Variants in SLC41A2 observed in about 807,000 individuals in gnomAD.
SLC41A2 encodes solute carrier family 41 member 2, also known as SLC41A1-like 1.
In SLC41A2, 32 loss-of-function variants were observed where a neutral mutation model predicts 58.3. The ratio of observed to expected loss-of-function variants is 0.55; its 90% confidence interval spans 0.41 to 0.74. SLC41A2 has a LOEUF of 0.74. Ranked by LOEUF, SLC41A2 falls within the 30% of genes least tolerant of loss-of-function variation. The probability of loss-of-function intolerance (pLI) is 0.00; values close to 1 mark genes in which losing one functional copy is unlikely to be tolerated. For missense variants in SLC41A2, 514 were observed against 680.6 expected (o/e 0.76, Z 2.72); for synonymous variants, 190 against 235.0 (o/e 0.81, Z 1.75).
In SLC41A2 at chr12:104,909,536, G is replaced by T. The variant is rs574230249; in HGVS notation, c.663+119C>A. 5.8e-6 allele frequency: 4 copies of T among 688,374 alleles called. No individual in the cohort carries two copies. In the East Asian group the frequency reaches 1.2e-4, roughly 20 times the overall value. 42.6% of individuals were successfully genotyped at this position (688,374 alleles called of 1,614,324 possible). A position where few individuals can be genotyped will look rare whatever the true frequency, so the allele number is the denominator to read the frequency against. On this transcript the variant is annotated intron_variant, in intron 3 of 10. Transcript: ENST00000258538. ...ATATGATATCAGGCATAACTACTTA[G>T]CACAGCCCTGAAGTGCAGAAGCATA... is the stretch of plus-strand genomic sequence containing the variant.
chr12:104,885,609 C>A lies in SLC41A2; in HGVS notation c.1027+684G>T, dbSNP rs116842694. On this transcript the variant is annotated intron_variant, in intron 6 of 10. Coordinates refer to ENST00000258538, the MANE Select transcript of SLC41A2 (RefSeq NM_001352171.3). ...TTGGCATCTAAAAATAATAAAACCA[C>A]AATGAACTTTTAGCATGTCATCAAC... Among the ~76,000 whole-genome samples the A allele has an allele frequency of 4.8e-3, 737 of 152,170 alleles. 4 individuals are homozygous for A. Among genetic ancestry groups the A allele is most frequent in the Non-Finnish European group, 6.9e-3 (469 of 67,952 alleles).
intron 6 of SLC41A2, among the ~76,000 whole-genome samples, chr12:104,879,534 A>G (rs1344217216): frequency 1.3e-5 from 2 of 152,166 alleles, no homozygotes; most frequent in African/African-American, 4.8e-5. Flanking sequence ...TTTCCCCAGC[A>G]TCATTTATTG....
At chr12:104,902,525 G>T (rs1206633782) in intron 3 of SLC41A2, among the ~76,000 whole-genome samples, 1 of 152,208 alleles carries the variant, frequency 6.6e-6, no homozygotes, top group Non-Finnish European at 1.5e-5. Flanking sequence ...TCAGGAAAGA[G>T]TCTGGAGGTA....
chr12:104,888,890 T>G (rs1459355298), intron 5 of SLC41A2, 143 bp downstream of exon 5: 1 of 846,786 alleles, frequency 1.2e-6, no homozygotes, highest in Admixed American at 3.1e-5. Context: ...ATATCTGGAA[T>G]AACTAAGGCA....
chr12:104,897,477 TC>T (rs937664442), intron 3 of SLC41A2, among the ~76,000 whole-genome samples: 10 of 152,106 alleles, frequency 6.6e-5, no homozygotes, highest in Non-Finnish European at 1.5e-4. Flanking sequence ...CTTTTTTTTT[TC>T]ATGATCTCTA....
At chr12:104,867,510 C>T (rs1300494827) in intron 6 of SLC41A2, among the ~76,000 whole-genome samples, 3 of 151,992 alleles carry the variant, frequency 2.0e-5, no homozygotes, top group Non-Finnish European at 2.9e-5. Context: ...GCAACCCTTA[C>T]CCCAACTCTT....
chr12:104,814,918 T>C (rs149930224), intron 10 of SLC41A2, among the ~76,000 whole-genome samples: 221 of 152,360 alleles, frequency 1.5e-3, no homozygotes, highest in Middle Eastern at 0.01. Context: ...GTCTTCATAG[T>C]CTGTTCTAGC....
chr12:104,808,470 A>G (rs2041024278), intron 10 of SLC41A2, among the ~76,000 whole-genome samples: 3 of 152,220 alleles, frequency 2.0e-5, no homozygotes, highest in African/African-American at 7.2e-5. Context: ...TCGGTTTGCC[A>G]GTATTTTACT....
At chr12:104,920,882 C>T (rs903437601) in intron 2 of SLC41A2, among the ~76,000 whole-genome samples, 1 of 151,792 alleles carries the variant, frequency 6.6e-6, no homozygotes, top group Non-Finnish European at 1.5e-5. Flanking sequence ...TGAGATCATG[C>T]CACTGCACTC....
At chr12:104,895,415 C>G in intron 3 of SLC41A2, 70 bp from the exon 4 acceptor site, 6 of 1,081,590 alleles carry the variant, frequency 5.5e-6, no homozygotes, top group Non-Finnish European at 8.4e-6. Context: ...TCAAACAGCA[C>G]ATGAAATCTT....
At chr12:104,953,596 T>A (rs184792752) in intron 1 of SLC41A2, among the ~76,000 whole-genome samples, 1 of 152,350 alleles carries the variant, frequency 6.6e-6, no homozygotes, top group East Asian at 1.9e-4. Flanking sequence ...TGCTATAAGA[T>A]AAGCTCCTTA....
intron 4 of SLC41A2, among the ~76,000 whole-genome samples, chr12:104,892,652 AAC>A (rs1276874680): frequency 7.2e-5 from 11 of 152,226 alleles, no homozygotes; most frequent in Non-Finnish European, 1.3e-4. Flanking sequence ...CTGGCATAAA[AAC>A]AGACACAAAC....
At chr12:104,816,830 T>C (rs1010317437) in intron 10 of SLC41A2, among the ~76,000 whole-genome samples, 1 of 152,180 alleles carries the variant, frequency 6.6e-6, no homozygotes, top group Admixed American at 6.5e-5. Context: ...TCGGTATCCA[T>C]AGGGGAGGAT....
At chr12:104,900,975 C>A (rs1301607271) in intron 3 of SLC41A2, among the ~76,000 whole-genome samples, 1 of 152,130 alleles carries the variant, frequency 6.6e-6, no homozygotes, top group Non-Finnish European at 1.5e-5. Context: ...CGTTACTGAT[C>A]TCCTGGCACA....
At chr12:104,895,222 C>T in intron 4 of SLC41A2, 52 bp downstream of exon 4, 2 of 1,292,810 alleles carry the variant, frequency 1.5e-6, no homozygotes, top group Non-Finnish European at 1.1e-6. Context: ...TTATAGATTA[C>T]AGTCAAAATT....
intron 8 of SLC41A2, among the ~76,000 whole-genome samples, chr12:104,850,814 T>C (rs973235003): frequency 2.0e-5 from 3 of 152,188 alleles, no homozygotes; most frequent in Non-Finnish European, 4.4e-5. Flanking sequence ...CATAAAAATG[T>C]TTAAAATATG....
intron 10 of SLC41A2, among the ~76,000 whole-genome samples, chr12:104,844,089 C>G (rs1353376391): frequency 6.6e-6 from 1 of 152,086 alleles, no homozygotes; most frequent in Admixed American, 6.5e-5. Context: ...ACCAAATCTA[C>G]AAAGTTTAGC....
intron 1 of SLC41A2, among the ~76,000 whole-genome samples, chr12:104,952,522 T>C (rs1439631950): frequency 6.6e-6 from 1 of 152,176 alleles, no homozygotes; most frequent in African/African-American, 2.4e-5. Flanking sequence ...AGAGACCTTT[T>C]TCTAAAGATC....
chr12:104,812,360 T>A (rs1308647291), intron 10 of SLC41A2, among the ~76,000 whole-genome samples: 1 of 152,124 alleles, frequency 6.6e-6, no homozygotes, highest in Non-Finnish European at 1.5e-5. Context: ...ACTTAAAAAA[T>A]TTGCTATGAT....
Sources: gnomAD v4.1 joint callset for allele counts (sites outside exome capture counted in the v4.1 genomes callset) on GRCh38, gnomAD v4.1.1 for gene constraint, MANE v1.5 for transcripts, NCBI Gene and HGNC (gene_info 2026-07-23, HGNC 2026-07-21) for gene names.